Variants in FAM114A1 observed in about 807,000 individuals in gnomAD.
The protein encoded by FAM114A1 is protein NOXP20.
In FAM114A1, 62 loss-of-function variants were observed where a neutral mutation model predicts 64.3. The observed-to-expected ratio is 0.96, with a 90% CI of 0.79 to 1.19. The LOEUF (loss-of-function observed/expected upper bound fraction) is 1.19. FAM114A1 is among the 50% of genes most tolerant of loss of function. FAM114A1 has a pLI of 0.00. For missense variants in FAM114A1, 645 were observed against 676.3 expected (o/e 0.95, Z 0.51); for synonymous variants, 254 against 251.1 (o/e 1.01, Z -0.11).
intron 7 of FAM114A1, 153 bp from the exon 8 acceptor site, chr4:38,914,768 C>A: frequency 1.3e-6 from 1 of 783,900 alleles, no homozygotes; most frequent in Non-Finnish European, 1.9e-6. Flanking sequence ...TCAATAGGAT[C>A]AATCAAAAAA....
At chr4:38,871,556 G>C (rs867567494) in intron 2 of FAM114A1, among the ~76,000 whole-genome samples, 6 of 152,004 alleles carry the variant, frequency 3.9e-5, no homozygotes, top group African/African-American at 1.5e-4. Context: ...ACATCTTACA[G>C]CTGAGTTTCT....
chr4:38,940,899 T>C (rs1721532213), intron 13 of FAM114A1, 69 bp from the exon 14 acceptor site: 6 of 1,508,732 alleles, frequency 4.0e-6, no homozygotes, highest in Non-Finnish European at 4.6e-6. Context: ...GCTAGTGTAT[T>C]ACATTTTACG....
chr4:38,938,754 A>T (rs961639544), intron 13 of FAM114A1: 1 of 152,130 alleles, frequency 6.6e-6, no homozygotes, highest in African/African-American at 2.4e-5. Flanking sequence ...GAATTGATTC[A>T]CTCAAGCCTC....
At chr4:38,912,546 C>A (rs1718654935) in intron 7 of FAM114A1, among the ~76,000 whole-genome samples, 1 of 152,074 alleles carries the variant, frequency 6.6e-6, no homozygotes, top group Non-Finnish European at 1.5e-5. Context: ...CCATGCCCAG[C>A]TAATTTTTTG....
At chr4:38,918,046 G>A (rs1023752374) in intron 8 of FAM114A1, among the ~76,000 whole-genome samples, 19 of 150,752 alleles carry the variant, frequency 1.3e-4, no homozygotes, top group East Asian at 3.9e-4. Context: ...ATGAAACCCC[G>A]TCTCTACTAA....
intron 11 of FAM114A1, 108 bp from the exon 12 acceptor site, chr4:38,932,127 A>C: frequency 8.1e-7 from 1 of 1,232,120 alleles, no homozygotes; most frequent in South Asian, 1.6e-5. Flanking sequence ...ATTTCGGGTT[A>C]TATTTGGGGT....
In FAM114A1 at chr4:38,905,889, C is replaced by A. The variant is rs750161596; in HGVS notation, c.657+28C>A. The A allele has an allele frequency of 1.2e-5, 19 of 1,585,844 alleles. No homozygotes were observed. The African/African-American group carries it at 2.5e-4, about 20-fold the overall frequency. ...GAGTCGCTGGCTGCTTCCTCTCTTT[C>A]CCCTGTATTTCCCAGGGCCTTCTTT... On this transcript the variant is annotated intron_variant, in intron 6 of 14. Coordinates refer to ENST00000358869, the MANE Select transcript of FAM114A1 (RefSeq NM_138389.4).
chr4:38,936,592 G>A (rs555435629), intron 13 of FAM114A1, among the ~76,000 whole-genome samples: 7 of 129,356 alleles, frequency 5.4e-5, no homozygotes, highest in South Asian at 4.7e-4. Flanking sequence ...TCGCCCTGTC[G>A]CCCAGCCTGG....
rs1407348330 is a variant in FAM114A1 at position 38,922,896 on chromosome 4, A to G, written c.1069+3A>G. The G allele has an allele frequency of 6.2e-7, 1 of 1,603,970 alleles. No individual in the cohort carries two copies. The highest frequency in any genetic ancestry group is 8.5e-7 in the Non-Finnish European group (1 of 1,177,072). Reference sequence around the variant, plus strand: ...TGAAGAAAATCAAGAAGAACAAGGTAAAGGAAAATAACTTAAATAGCAAGA... The same window carrying G: ...TGAAGAAAATCAAGAAGAACAAGGTGAAGGAAAATAACTTAAATAGCAAGA... On this transcript the variant is annotated splice_donor_region_variant and intron_variant, in intron 9 of 14. Coordinates refer to ENST00000358869, the MANE Select transcript of FAM114A1 (RefSeq NM_138389.4).
chr4:38,894,378 C>T (rs144170698), intron 4 of FAM114A1, among the ~76,000 whole-genome samples: 1 of 152,116 alleles, frequency 6.6e-6, no homozygotes, highest in Non-Finnish European at 1.5e-5. Flanking sequence ...GCATCTGGCT[C>T]TGAGTAATCA....
In FAM114A1 at chr4:38,905,629, C is replaced by T. The variant is rs1018143211; in HGVS notation, c.544C>T (p.Pro182Ser). The change falls in exon 5 of 15, where the codon CCT becomes TCT. Residue 182 changes from proline (P) to serine (S), a missense_variant. Physicochemically the swap from Pro to Ser is moderately conservative, Grantham distance 74 (BLOSUM62 -1). Transcript: ENST00000358869. The stretch of plus-strand genomic sequence containing the variant: ...CCAACCAAATACTGAAAACGGAGTC[C>T]CTGAAAGTGAGTGATGTGTCTCCTC... Reference protein sequence around the residue: ...GAQPNTENGVPEITDAATDQG... With the variant: ...GAQPNTENGVSEITDAATDQG... The T allele has an allele frequency of 5.6e-6, 9 of 1,613,658 alleles. No individual in the cohort carries two copies. Among genetic ancestry groups the T allele is most frequent in the African/African-American group, 4.0e-5 (3 of 74,898 alleles).
chr4:38,874,210 G>A (rs141300375), intron 2 of FAM114A1, among the ~76,000 whole-genome samples: 91 of 152,310 alleles, frequency 6.0e-4, no homozygotes, highest in African/African-American at 2.1e-3. Flanking sequence ...TTCCTCGTCT[G>A]TAAAATGGAG....
chr4:38,909,964 G>A (rs527705453), intron 7 of FAM114A1, among the ~76,000 whole-genome samples: 9 of 152,302 alleles, frequency 5.9e-5, no homozygotes. Context: ...TGGGCACAGT[G>A]GCTCATGCCG....
chr4:38,895,587 G>C (rs1716851291), intron 4 of FAM114A1, among the ~76,000 whole-genome samples: 1 of 152,238 alleles, frequency 6.6e-6, no homozygotes, highest in African/African-American at 2.4e-5. Context: ...CCAAAGGGAA[G>C]GGATCACATA....
chr4:38,879,946 G>A (rs1265534297), intron 3 of FAM114A1, among the ~76,000 whole-genome samples: 1 of 152,026 alleles, frequency 6.6e-6, no homozygotes, highest in Admixed American at 6.6e-5. Flanking sequence ...GTATGCACCT[G>A]TAGTCCCTGC....
intron 2 of FAM114A1, among the ~76,000 whole-genome samples, chr4:38,875,670 CTGGCTAG>C (rs2109532321): frequency 6.6e-6 from 1 of 152,280 alleles, no homozygotes; most frequent in African/African-American, 2.4e-5. Context: ...TCTGATTGCT[CTGGCTAG>C]GACTTCCACT....
chr4:38,927,575 G>T (rs1307992256), intron 9 of FAM114A1, among the ~76,000 whole-genome samples: 1 of 152,168 alleles, frequency 6.6e-6, no homozygotes, highest in Non-Finnish European at 1.5e-5. Context: ...GGGGCATTCA[G>T]ACCACAGCAC....
intron 9 of FAM114A1, among the ~76,000 whole-genome samples, chr4:38,924,605 A>C (rs1403275924): frequency 6.6e-6 from 1 of 152,234 alleles, no homozygotes; most frequent in East Asian, 1.9e-4. Context: ...TTGCATCAAA[A>C]TAAAAGAATC....
At chr4:38,929,443 T>C (rs1720444931) in intron 10 of FAM114A1, 110 bp downstream of exon 10, 3 of 794,732 alleles carry the variant, frequency 3.8e-6, no homozygotes, top group East Asian at 2.6e-5. Flanking sequence ...CCAAATCTTA[T>C]GTGGCATAGT....
Sources: gnomAD v4.1 joint callset for allele counts (sites outside exome capture counted in the v4.1 genomes callset) on GRCh38, gnomAD v4.1.1 for gene constraint, MANE v1.5 for transcripts, NCBI Gene and HGNC (gene_info 2026-07-23, HGNC 2026-07-21) for gene names.